Variants in CBR4 observed in about 807,000 individuals in gnomAD.
The protein encoded by CBR4 is carbonyl reductase 4.
In CBR4, 22 loss-of-function variants were observed where a neutral mutation model predicts 21.0. The ratio of observed to expected loss-of-function variants is 1.05; its 90% confidence interval spans 0.75 to 1.50. CBR4 has a LOEUF of 1.50. CBR4 is among the 40% of genes most tolerant of loss of function. The pLI, the probability that CBR4 is intolerant of heterozygous loss-of-function variation, is 0.00. For missense variants in CBR4, 302 were observed against 286.3 expected (o/e 1.05, Z -0.40); for synonymous variants, 100 against 104.4 (o/e 0.96, Z 0.26).
chr4:168,898,195 G>A (rs1442792912), intron 2 of CBR4: 1 of 431,242 alleles, frequency 2.3e-6, no homozygotes, highest in East Asian at 4.8e-5. Context: ...CTTTGCTTTT[G>A]CCTTTTTCTT....
chr4:168,905,016 A>C (rs1260722821), intron 2 of CBR4, among the ~76,000 whole-genome samples: 1 of 151,808 alleles, frequency 6.6e-6, no homozygotes, highest in Non-Finnish European at 1.5e-5. Flanking sequence ...AATCCCAGCT[A>C]CTCAGGAGGT....
chr4:168,904,995 T>C (rs961324995), intron 2 of CBR4, among the ~76,000 whole-genome samples: 1 of 151,758 alleles, frequency 6.6e-6, no homozygotes, highest in African/African-American at 2.4e-5. Context: ...GGTGTGGTGG[T>C]AGGCACCTGT....
At chr4:168,984,634 A>C (rs529403229), downstream of CBR4, among the ~76,000 whole-genome samples, 3 of 152,240 alleles carry the variant, frequency 2.0e-5, no homozygotes, top group Admixed American at 6.5e-5. Flanking sequence ...ACAAAGCTGG[A>C]GGCATCACAC....
In CBR4 at chr4:168,988,919, T is replaced by C. The variant is rs898098637; in HGVS notation, c.*1231A>G. 6 of 983,220 alleles carry C rather than the reference T, an allele frequency of 6.1e-6. No homozygotes were observed. Among genetic ancestry groups the C allele is most frequent in the African/African-American group, 3.5e-5 (2 of 57,216 alleles). The allele number at this position is 983,220 out of a possible 1,614,324, so 60.9% of individuals were successfully genotyped here. ...AATCTCTGCTTACACAAAATAACTG[T>C]CAGCTCCAAATCAACATGAATGGAG... On this transcript the variant is annotated 3_prime_UTR_variant, in exon 5 of 5. Coordinates refer to ENST00000306193, the MANE Select transcript of CBR4 (RefSeq NM_032783.5).
chr4:168,919,856 G>T (rs1761070521), intron 2 of CBR4, among the ~76,000 whole-genome samples: 1 of 152,168 alleles, frequency 6.6e-6, no homozygotes, highest in South Asian at 2.1e-4. Context: ...CTGAGATCAT[G>T]CTGTCTTTAC....
intron 2 of CBR4, among the ~76,000 whole-genome samples, chr4:168,978,104 GCAT>G (rs1476578474): frequency 6.6e-6 from 1 of 152,114 alleles, no homozygotes; most frequent in Admixed American, 6.5e-5. Flanking sequence ...CCAAAGATCT[GCAT>G]CATCTAGACC....
chr4:168,935,007 T>C (rs1763069015), intron 2 of CBR4, among the ~76,000 whole-genome samples: 3 of 152,174 alleles, frequency 2.0e-5, no homozygotes, highest in African/African-American at 7.2e-5. Flanking sequence ...TGGGAACAGC[T>C]CCGGTCTGCA....
chr4:168,981,619 T>C (rs1764549513), intron 2 of CBR4, among the ~76,000 whole-genome samples: 1 of 152,094 alleles, frequency 6.6e-6, no homozygotes, highest in African/African-American at 2.4e-5. Context: ...AATATGGAAT[T>C]ATGTAAAGAT....
chr4:168,909,672 TGCA>T (rs915126308), intron 2 of CBR4, among the ~76,000 whole-genome samples: 3 of 152,162 alleles, frequency 2.0e-5, no homozygotes, highest in Non-Finnish European at 4.4e-5. Flanking sequence ...TAAAAGCAAA[TGCA>T]GCAGCATTAA....
At chr4:168,895,433 TTAAC>T (rs1357098496) in intron 2 of CBR4, among the ~76,000 whole-genome samples, 10 of 152,350 alleles carry the variant, frequency 6.6e-5, no homozygotes, top group Middle Eastern at 3.4e-3. Flanking sequence ...CTTCAAAAAC[TTAAC>T]TAACAGCCTA....
In CBR4 at chr4:169,000,857, G is replaced by A. The variant is rs187071568; in HGVS notation, c.535+1214C>T. On this transcript the variant is annotated intron_variant, in intron 4 of 4. Transcript: ENST00000306193. ...AGTACCCTGGCGAAAGGCAAATAAT[G>A]GAAAAGTAAAAATTAGGAAAATGGG... 2.0e-5 allele frequency among the ~76,000 whole-genome samples: 3 copies of A among 152,060 alleles called. No individual in the cohort carries two copies. The East Asian group carries it at 5.8e-4, about 29-fold the overall frequency.
At chr4:168,987,197 C>A (rs1764719866), downstream of CBR4, among the ~76,000 whole-genome samples, 1 of 152,168 alleles carries the variant, frequency 6.6e-6, no homozygotes, top group East Asian at 1.9e-4. Flanking sequence ...AGAAAATAGT[C>A]GATTCACTTT....
intron 4 of CBR4, among the ~76,000 whole-genome samples, chr4:168,996,487 T>C (rs1579005392): frequency 2.7e-5 from 4 of 150,458 alleles, no homozygotes; most frequent in South Asian, 4.2e-4. Flanking sequence ...TAAACCAATA[T>C]TGATACATTA....
chr4:168,990,128 CT>C lies in CBR4; in HGVS notation c.*21del, dbSNP rs764934445. ...AGTGTGCCCTTGATGCTAATCACCC[CT>C]ATAACTGAATAATCTGCAAATTACA... On this transcript the variant is annotated 3_prime_UTR_variant, in exon 5 of 5. Transcript: ENST00000306193. 1.1e-5 allele frequency: 17 copies of C among 1,583,136 alleles called. No individual in the cohort carries two copies. In the East Asian group the frequency reaches 1.2e-4, roughly 11 times the overall value.
intron 2 of CBR4, among the ~76,000 whole-genome samples, chr4:168,961,831 A>G (rs1240330982): frequency 1.3e-5 from 2 of 152,056 alleles, no homozygotes; most frequent in Admixed American, 1.3e-4. Context: ...CGGAGGTTAC[A>G]GTGAGCCAAG....
intron 1 of CBR4, among the ~76,000 whole-genome samples, chr4:169,009,458 G>A (rs139462015): frequency 1.3e-5 from 2 of 152,190 alleles, no homozygotes; most frequent in East Asian, 3.9e-4. Flanking sequence ...GTGCATTCGC[G>A]CAGGGCCAAG....
At chr4:168,986,521 C>T (rs1171164246), downstream of CBR4, among the ~76,000 whole-genome samples, 1 of 152,208 alleles carries the variant, frequency 6.6e-6, no homozygotes, top group East Asian at 1.9e-4. Flanking sequence ...ACTCTGTGAG[C>T]TCCAGAAACT....
At chr4:169,002,644 T>G (rs1451546473) in intron 3 of CBR4, among the ~76,000 whole-genome samples, 4 of 152,242 alleles carry the variant, frequency 2.6e-5, no homozygotes, top group Admixed American at 2.6e-4. Flanking sequence ...GTTTTCACCC[T>G]AAAAACTAGT....
intron 2 of CBR4, among the ~76,000 whole-genome samples, chr4:168,956,706 C>T (rs1456164545): frequency 6.7e-6 from 1 of 149,284 alleles, no homozygotes; most frequent in African/African-American, 2.5e-5. Flanking sequence ...TCATTTAATC[C>T]TTACAATAAG....
Sources: gnomAD v4.1 joint callset for allele counts (sites outside exome capture counted in the v4.1 genomes callset) on GRCh38, gnomAD v4.1.1 for gene constraint, MANE v1.5 for transcripts, NCBI Gene and HGNC (gene_info 2026-07-23, HGNC 2026-07-21) for gene names.